Variants in MITF observed in about 807,000 individuals in gnomAD.
The protein encoded by MITF is microphthalmia-associated transcription factor.
In MITF, 17 loss-of-function variants were observed where a neutral mutation model predicts 60.5. That is an observed-to-expected ratio of 0.28 (90% CI 0.19 to 0.42). MITF has a LOEUF of 0.42. Among genes scored for constraint, MITF ranks in the 10% least tolerant of loss-of-function variants. MITF has a pLI of 1.00. For synonymous variants in MITF, 260 were observed against 248.5 expected (o/e 1.05, Z -0.43); for missense variants, 622 against 683.5 (o/e 0.91, Z 1.00).
chr3:69,853,274 G>A (rs888537107), intron 1 of MITF, among the ~76,000 whole-genome samples: 1 of 152,030 alleles, frequency 6.6e-6, no homozygotes. Context: ...TTCGGTAGAG[G>A]GTTAAGGGGA....
chr3:69,860,597 C>CAAAAAAAA (rs1039213953), intron 1 of MITF, among the ~76,000 whole-genome samples: 3 of 60,784 alleles, frequency 4.9e-5, no homozygotes, highest in African/African-American at 2.1e-4. Flanking sequence ...GACTCCGTCT[C>CAAAAAAAA]AAAAAAAAAA....
chr3:69,845,773 C>T (rs1041484694), intron 1 of MITF, among the ~76,000 whole-genome samples: 2 of 152,188 alleles, frequency 1.3e-5, no homozygotes, highest in African/African-American at 4.8e-5. Flanking sequence ...TGTTGGTCCA[C>T]CACCCAAGCT....
chr3:69,775,263 G>A (rs988012526), intron 1 of MITF, among the ~76,000 whole-genome samples: 12 of 152,158 alleles, frequency 7.9e-5, no homozygotes, highest in African/African-American at 2.9e-4. Context: ...CAGAGGTTAA[G>A]CCAGGCTGTA....
rs143293853 is a variant in MITF, at chr3:69,952,348, G to A, written c.955+462G>A. ...GCCTCCTAAATTTCTGACATGATTC[G>A]TGACTTAAAAAAAATAGCCCTAAAG... is the stretch of plus-strand genomic sequence containing the variant. On this transcript the variant is annotated intron_variant, in intron 7 of 9. Coordinates refer to ENST00000352241, the MANE Select transcript of MITF (RefSeq NM_001354604.2). Among the ~76,000 whole-genome samples the A allele has an allele frequency of 2.4e-4, 36 of 151,946 alleles. 1 individual carries two copies. In the East Asian group the frequency reaches 3.5e-3, roughly 15 times the overall value.
intron 1 of MITF, among the ~76,000 whole-genome samples, chr3:69,866,675 A>C (rs1466035804): frequency 6.6e-6 from 1 of 152,188 alleles, no homozygotes; most frequent in African/African-American, 2.4e-5. Flanking sequence ...GAGTTAGAGC[A>C]GAGCTTGATT....
chr3:69,832,335 A>G (rs1051492521), intron 1 of MITF, among the ~76,000 whole-genome samples: 1 of 152,178 alleles, frequency 6.6e-6, no homozygotes, highest in Non-Finnish European at 1.5e-5. Flanking sequence ...TGAGGATACG[A>G]AGTGAAGGAG....
At chr3:69,824,560 T>C (rs2063325729) in intron 1 of MITF, among the ~76,000 whole-genome samples, 1 of 152,186 alleles carries the variant, frequency 6.6e-6, no homozygotes, top group African/African-American at 2.4e-5. Context: ...GTTTTCCTTC[T>C]TAAATCTGGC....
Position 69,926,101 on chromosome 3 carries a change from G to A in MITF, c.355-11721G>A, listed in dbSNP as rs531757951. On this transcript the variant is annotated intron_variant, in intron 2 of 9. Coordinates refer to ENST00000352241, the MANE Select transcript of MITF (RefSeq NM_001354604.2). ...AAGTGGGGATGGTTACATTAAACCTGCATGCGAAGCTCTCAGCACAGTGCA... is the reference window on the plus strand; with the variant it reads ...AAGTGGGGATGGTTACATTAAACCTACATGCGAAGCTCTCAGCACAGTGCA... 8.5e-5 allele frequency among the ~76,000 whole-genome samples: 13 copies of A among 152,242 alleles called. No homozygotes were observed. The South Asian group carries it at 2.3e-3, about 27-fold the overall frequency.
intron 9 of MITF, among the ~76,000 whole-genome samples, chr3:69,963,617 CT>C (rs2066605441): frequency 6.6e-6 from 1 of 152,162 alleles, no homozygotes; most frequent in Non-Finnish European, 1.5e-5. Flanking sequence ...CACTGCACGA[CT>C]TCTAAAGTCT....
chr3:69,763,908 A>G, intron 1 of MITF: 1 of 1,375,658 alleles, frequency 7.3e-7, no homozygotes, highest in Non-Finnish European at 9.7e-7. Context: ...TGAAAAGGAA[A>G]CCAGGAAATT....
chr3:69,876,017 T>A (rs2107265308), intron 1 of MITF, among the ~76,000 whole-genome samples: 1 of 152,334 alleles, frequency 6.6e-6, no homozygotes, highest in South Asian at 2.1e-4. Flanking sequence ...TTTGCTCTAT[T>A]TTTTAGTGGG....
At chr3:69,875,349 C>A (rs763540151) in intron 1 of MITF, among the ~76,000 whole-genome samples, 1 of 152,184 alleles carries the variant, frequency 6.6e-6, no homozygotes, top group African/African-American at 2.4e-5. Flanking sequence ...GGGACTTGAT[C>A]AGAGTTCCGT....
intron 1 of MITF, among the ~76,000 whole-genome samples, chr3:69,838,352 TAA>T (rs35112703): frequency 2.1e-5 from 3 of 142,378 alleles, no homozygotes; most frequent in Non-Finnish European, 1.5e-5. Flanking sequence ...CTAATTTTGC[TAA>T]AAAAAAAAAA....
Position 69,937,807 on chromosome 3 carries a change from C to A in MITF, c.355-15C>A, listed in dbSNP as rs1428665726. On this transcript the variant is annotated splice_polypyrimidine_tract_variant and intron_variant, in intron 2 of 9. Coordinates refer to ENST00000352241, the MANE Select transcript of MITF (RefSeq NM_001354604.2). ...TAACAGCGCTGTTTTCTTTTCCCTC[C>A]ATGGCTATGTTCAGGTGCAGACCCA... The A allele has an allele frequency of 1.2e-6, 2 of 1,610,494 alleles. No individual in the cohort carries two copies. Among genetic ancestry groups the A allele is most frequent in the African/African-American group, 2.7e-5 (2 of 74,844 alleles).
chr3:69,828,315 C>T (rs1183203795), intron 1 of MITF, among the ~76,000 whole-genome samples: 1 of 152,146 alleles, frequency 6.6e-6, no homozygotes, highest in Non-Finnish European at 1.5e-5. Flanking sequence ...CTTCATTAAT[C>T]TGGAGCTATT....
chr3:69,845,424 C>A (rs1235207062), intron 1 of MITF, among the ~76,000 whole-genome samples: 1 of 125,532 alleles, frequency 8.0e-6, no homozygotes. Flanking sequence ...CTTTTCTTTT[C>A]TTTTTTCTTT....
At chr3:69,809,683 T>C (rs913969411) in intron 1 of MITF, among the ~76,000 whole-genome samples, 1 of 151,918 alleles carries the variant, frequency 6.6e-6, no homozygotes, top group Non-Finnish European at 1.5e-5. Flanking sequence ...AGCATCAGGC[T>C]GACAATGGTA....
chr3:69,759,995 G>C (rs536965957), intron 1 of MITF, among the ~76,000 whole-genome samples: 1 of 152,142 alleles, frequency 6.6e-6, no homozygotes, highest in Non-Finnish European at 1.5e-5. Context: ...AGCCAGGGTG[G>C]TCTCGATCTC....
At chr3:69,800,011 T>C (rs1239660830) in intron 1 of MITF, among the ~76,000 whole-genome samples, 2 of 152,216 alleles carry the variant, frequency 1.3e-5, no homozygotes, top group Non-Finnish European at 2.9e-5. Flanking sequence ...TTCAGTAGTT[T>C]TAAATATATT....
Sources: gnomAD v4.1 joint callset for allele counts (sites outside exome capture counted in the v4.1 genomes callset) on GRCh38, gnomAD v4.1.1 for gene constraint, MANE v1.5 for transcripts, NCBI Gene and HGNC (gene_info 2026-07-23, HGNC 2026-07-21) for gene names.